UGT1A5: variants seen among roughly 807,000 people sequenced by gnomAD.
UGT1A5 encodes the protein UDP-glucuronosyltransferase 1A5.
A neutral mutation model predicts 40.3 loss-of-function variants in UGT1A5; 29 were observed. The observed-to-expected ratio is 0.72, with a 90% CI of 0.54 to 0.98. UGT1A5 has a LOEUF of 0.98. Among genes scored for constraint, UGT1A5 ranks in the 50% least tolerant of loss-of-function variants. The pLI, the probability that UGT1A5 is intolerant of heterozygous loss-of-function variation, is 0.00. For synonymous variants in UGT1A5, 257 were observed against 262.5 expected (o/e 0.98, Z 0.20); for missense variants, 678 against 677.9 (o/e 1.00, Z 0.00).
intron 1 of UGT1A5, among the ~76,000 whole-genome samples, chr2:233,731,858 A>G (rs1373548311): frequency 6.6e-6 from 1 of 152,232 alleles, no homozygotes; most frequent in African/African-American, 2.4e-5. Context: ...AGGAATCGCC[A>G]CACTGTCTTC....
intron 3 of UGT1A5, 35 bp downstream of exon 3, chr2:233,767,971 A>C (rs71537802): frequency 2.1e-4 from 336 of 1,614,092 alleles, no homozygotes; most frequent in Non-Finnish European, 2.7e-4. Context: ...AGGTCAAACC[A>C]GGGTCAAATT....
At chr2:233,740,949 T>G (rs1205876096) in intron 1 of UGT1A5, 9 of 151,554 alleles carry the variant, frequency 5.9e-5, no homozygotes, top group Non-Finnish European at 1.0e-4. Context: ...ATTAGCTAGG[T>G]GTGGTAGCAT....
intron 1 of UGT1A5, among the ~76,000 whole-genome samples, chr2:233,738,560 A>T (rs943884340): frequency 6.6e-6 from 1 of 152,198 alleles, no homozygotes; most frequent in Non-Finnish European, 1.5e-5. Flanking sequence ...AGAGATGAGG[A>T]ATCTGTTGAG....
intron 1 of UGT1A5, chr2:233,743,017 T>G (rs1054805): frequency 8.4e-6 from 2 of 239,502 alleles, no homozygotes; most frequent in African/African-American, 2.3e-5. Flanking sequence ...TTACAACGAT[T>G]GAAAGACAAA....
Position 233,729,197 on chromosome 2 carries a change from C to T in UGT1A5, c.867+15339C>T, listed in dbSNP as rs569872278. The stretch of plus-strand genomic sequence containing the variant: ...CTGCTGCTTCTCCTCAGTGTCCAGC[C>T]CTGGGCTGAGAGTGGAAAGGTGTTG... On this transcript the variant is annotated intron_variant, in intron 1 of 4. Coordinates refer to ENST00000373414, the MANE Select transcript of UGT1A5 (RefSeq NM_019078.2). 4.3e-6 allele frequency: 7 copies of T among 1,614,002 alleles called. No homozygotes were observed. The African/African-American group carries it at 8.0e-5, about 18-fold the overall frequency.
chr2:233,717,646 G>A (rs1286894473), intron 1 of UGT1A5: 4 of 401,574 alleles, frequency 1.0e-5, no homozygotes, highest in African/African-American at 8.2e-5. Context: ...GGGGCGACCA[G>A]GACAAGGAAG....
chr2:233,757,231 AGTG>A (rs1225021845), intron 1 of UGT1A5, among the ~76,000 whole-genome samples: 2 of 127,510 alleles, frequency 1.6e-5, no homozygotes, highest in African/African-American at 6.0e-5. Flanking sequence ...AGGTTCCAGA[AGTG>A]GTGGTGAGGT....
At chr2:233,729,801 T>C (rs1335994294) in intron 1 of UGT1A5, 3 of 1,613,964 alleles carry the variant, frequency 1.9e-6, no homozygotes, top group Non-Finnish European at 1.7e-6. Context: ...ACATTTGCCA[T>C]GCTTTTTCTG....
chr2:233,736,773 T>A (rs572779533), intron 1 of UGT1A5, among the ~76,000 whole-genome samples: 1 of 152,322 alleles, frequency 6.6e-6, no homozygotes, highest in African/African-American at 2.4e-5. Flanking sequence ...AACAGTCAGA[T>A]CCCTCAGCTG....
At chr2:233,719,100 C>A (rs780011480) in intron 1 of UGT1A5, 1 of 1,614,270 alleles carries the variant, frequency 6.2e-7, no homozygotes, top group Admixed American at 1.7e-5. Flanking sequence ...TCGCGTTACG[C>A]TGGGCTACAC....
chr2:233,713,808 A>G lies in UGT1A5; in HGVS notation c.817A>G (p.Met273Val). Residue 273 changes from methionine (M) to valine (V), a missense_variant, in exon 1 of 5, where the codon ATG becomes GTG. By Grantham distance (21) the Met-to-Val change is conservative. Coordinates refer to ENST00000373414, the MANE Select transcript of UGT1A5 (RefSeq NM_019078.2). ...MDYPRPIMPNMVFIGGINCAN... is the reference protein window; with the variant it reads ...MDYPRPIMPNVVFIGGINCAN... ...TTACCCCAGGCCGATCATGCCCAAC[A>G]TGGTCTTCATTGGGGGCATCAACTG... The G allele has an allele frequency of 1.2e-6, 2 of 1,614,048 alleles. No individual in the cohort carries two copies. Among genetic ancestry groups the G allele is most frequent in the Non-Finnish European group, 1.7e-6 (2 of 1,179,962 alleles).
chr2:233,764,801 C>T (rs1177973907), intron 1 of UGT1A5, among the ~76,000 whole-genome samples: 8 of 152,184 alleles, frequency 5.3e-5, no homozygotes, highest in African/African-American at 1.9e-4. Context: ...GGTGTTCTTG[C>T]TACAAACCAA....
intron 1 of UGT1A5, among the ~76,000 whole-genome samples, chr2:233,764,963 G>A (rs1465022385): frequency 6.6e-6 from 1 of 152,090 alleles, no homozygotes; most frequent in East Asian, 1.9e-4. Flanking sequence ...GCTCACCTTG[G>A]GAGAAGGATG....
Position 233,772,777 on chromosome 2 carries a change from T to C in UGT1A5, c.*218T>C. The stretch of plus-strand genomic sequence containing the variant: ...TATGTATCGTGCCCCCTCTGGTGTC[T>C]TTGATCAGGATGACATGTGCCATTT... On this transcript the variant is annotated 3_prime_UTR_variant, in exon 5 of 5. Coordinates refer to ENST00000373414, the MANE Select transcript of UGT1A5 (RefSeq NM_019078.2). 8.4e-6 allele frequency: 11 copies of C among 1,302,124 alleles called. No individual in the cohort carries two copies. The highest frequency in any genetic ancestry group is 1.1e-5 in the Non-Finnish European group (11 of 988,102). 80.7% of individuals were successfully genotyped at this position (1,302,124 alleles called of 1,614,324 possible). A position where few individuals can be genotyped will look rare whatever the true frequency, so the allele number is the denominator to read the frequency against.
intron 1 of UGT1A5, among the ~76,000 whole-genome samples, chr2:233,750,204 T>G: frequency 6.6e-6 from 1 of 151,878 alleles, no homozygotes; most frequent in East Asian, 1.9e-4. Context: ...AAGTCCAGGC[T>G]GAGTCTCAGA....
At chr2:233,740,826 G>C (rs1278219127) in intron 1 of UGT1A5, 2 of 151,802 alleles carry the variant, frequency 1.3e-5, no homozygotes, top group Non-Finnish European at 2.9e-5. Flanking sequence ...TTTGAGCTGA[G>C]ACATTTTAAA....
intron 1 of UGT1A5, among the ~76,000 whole-genome samples, chr2:233,730,887 G>T (rs979903664): frequency 2.6e-5 from 4 of 152,076 alleles, no homozygotes; most frequent in African/African-American, 7.2e-5. Context: ...TCTATAGTGG[G>T]ATCTACTCCT....
At chr2:233,722,496 C>T (rs1266204895) in intron 1 of UGT1A5, among the ~76,000 whole-genome samples, 2 of 152,048 alleles carry the variant, frequency 1.3e-5, no homozygotes, top group African/African-American at 4.8e-5. Context: ...TTTCATTTTC[C>T]GTTTCGTTAA....
chr2:233,760,927 C>T (rs1225128510), intron 1 of UGT1A5: 3 of 1,614,216 alleles, frequency 1.9e-6, no homozygotes, highest in Non-Finnish European at 2.5e-6. Flanking sequence ...GAAGAACATG[C>T]TCATTGCCTT....
Sources: gnomAD v4.1 joint callset for allele counts (sites outside exome capture counted in the v4.1 genomes callset) on GRCh38, gnomAD v4.1.1 for gene constraint, MANE v1.5 for transcripts, NCBI Gene and HGNC (gene_info 2026-07-23, HGNC 2026-07-21) for gene names.